Variants in FAT3 observed in about 807,000 individuals in gnomAD.
FAT3 encodes the protein FAT atypical cadherin 3, also known as protocadherin Fat 3.
Under a neutral mutation model 310.2 loss-of-function variants are expected in FAT3, and 95 were observed. The observed-to-expected ratio is 0.31, with a 90% CI of 0.26 to 0.36. The LOEUF (loss-of-function observed/expected upper bound fraction) is 0.36. Ranked by LOEUF, FAT3 falls within the 10% of genes least tolerant of loss-of-function variation. The probability of loss-of-function intolerance (pLI) is 1.00; values close to 1 mark genes in which losing one functional copy is unlikely to be tolerated. For missense variants in FAT3, 5,408 were observed against 5,715.6 expected (o/e 0.95, Z 1.74); for synonymous variants, 2,314 against 2,192.9 (o/e 1.06, Z -1.54).
intron 2 of FAT3, among the ~76,000 whole-genome samples, chr11:92,377,204 A>G (rs926183148): frequency 1.3e-5 from 2 of 152,256 alleles, no homozygotes; most frequent in Non-Finnish European, 2.9e-5. Flanking sequence ...AGAAGGACAT[A>G]TAATGGACGT....
intron 3 of FAT3, chr11:92,559,383 CTTTTTTTTTTT>C (rs386374501): frequency 2.8e-5 from 4 of 144,006 alleles, no homozygotes; most frequent in Admixed American, 1.8e-4. Flanking sequence ...ACTTATTTTC[CTTTTTTTTTTT>C]TTTTTTTTGA....
rs758194471 is a variant in FAT3 at position 92,761,988 on chromosome 11, C to T, written c.3802C>T (p.Arg1268Ter). 1 of 1,613,792 alleles carries T rather than the reference C, an allele frequency of 6.2e-7. No homozygotes were observed. The highest frequency in any genetic ancestry group is 8.5e-7 in the Non-Finnish European group (1 of 1,179,848). Reference protein sequence around the residue: ...VYQIKLPERDRKKRGEPIYRA... With the variant: ...VYQIKLPERD ...CCAGATCAAGCTGCCAGAACGTGAC[C>T]GAAAGAAGAGAGGAGAACCGATTTA... Residue 1268 changes from arginine (R) to a stop codon, truncating the protein, a stop_gained, in exon 5 of 28, where the codon CGA becomes TGA. Coordinates refer to ENST00000525166, the MANE Select transcript of FAT3 (RefSeq NM_001367949.2). LOFTEE classifies it high-confidence loss of function.
chr11:92,770,290 T>C (rs1946426665), intron 6 of FAT3, among the ~76,000 whole-genome samples: 1 of 152,182 alleles, frequency 6.6e-6, no homozygotes, highest in Admixed American at 6.5e-5. Flanking sequence ...ATTAATAGTT[T>C]TAAGAAAATG....
chr11:92,433,860 CA>C (rs375945917), intron 2 of FAT3, among the ~76,000 whole-genome samples: 126 of 151,052 alleles, frequency 8.3e-4, no homozygotes, highest in African/African-American at 2.8e-3. Context: ...AAAAAAAATA[CA>C]AAAAATTAGC....
At chr11:92,272,683 G>T (rs1364958096) in intron 1 of FAT3, among the ~76,000 whole-genome samples, 1 of 152,030 alleles carries the variant, frequency 6.6e-6, no homozygotes, top group African/African-American at 2.4e-5. Flanking sequence ...AACATGGGGT[G>T]TGGGGTGTGA....
chr11:92,892,965 G>A lies in FAT3; in HGVS notation c.*1852G>A, dbSNP rs1020430454. On this transcript the variant is annotated 3_prime_UTR_variant, in exon 28 of 28. Transcript: ENST00000525166. Reference sequence around the variant, plus strand: ...TTACGGCCGCCTGTGCAGTGGCCATGGTAAATATATGCATATTTGCACTAT... The same window carrying A: ...TTACGGCCGCCTGTGCAGTGGCCATAGTAAATATATGCATATTTGCACTAT... 6.6e-6 allele frequency: 1 copy of A among 152,118 alleles called. No homozygotes were observed. The highest frequency in any genetic ancestry group is 1.9e-4 in the East Asian group (1 of 5,192). The allele number at this position is 152,118 out of a possible 1,614,324, so 9.4% of individuals were successfully genotyped here. A position where few individuals can be genotyped will look rare whatever the true frequency, so the allele number is the denominator to read the frequency against.
intron 3 of FAT3, among the ~76,000 whole-genome samples, chr11:92,678,761 G>A (rs1943372745): frequency 6.6e-6 from 1 of 152,074 alleles, no homozygotes; most frequent in South Asian, 2.1e-4. Context: ...TTACATCTGG[G>A]TAATTATGTG....
chr11:92,701,635 C>T (rs1259393829), intron 4 of FAT3, among the ~76,000 whole-genome samples: 1 of 152,164 alleles, frequency 6.6e-6, no homozygotes, highest in African/African-American at 2.4e-5. Flanking sequence ...TGTTCAAAGT[C>T]GTATACCTTC....
chr11:92,857,535 T>A (rs1353232105), intron 20 of FAT3, among the ~76,000 whole-genome samples, 187 bp downstream of exon 20: 2 of 152,220 alleles, frequency 1.3e-5, no homozygotes, highest in Admixed American at 1.3e-4. Flanking sequence ...CTGCAGCTTG[T>A]GCTAAGGGAG....
chr11:92,324,589 T>C lies in FAT3; in HGVS notation c.-17-27507T>C, dbSNP rs563973517. Reference sequence around the variant, plus strand: ...ACAATTACAATAGTAACATCAGAGATCACTGATCACAGACCACCCTAACAG... The same window carrying C: ...ACAATTACAATAGTAACATCAGAGACCACTGATCACAGACCACCCTAACAG... On this transcript the variant is annotated intron_variant, in intron 1 of 27. Transcript: ENST00000525166. Among the ~76,000 whole-genome samples, 43 of 152,240 alleles carry C rather than the reference T, an allele frequency of 2.8e-4. No homozygotes were observed. The South Asian group carries it at 8.3e-3, about 29-fold the overall frequency.
intron 3 of FAT3, among the ~76,000 whole-genome samples, chr11:92,680,225 A>G (rs1943439087): frequency 6.6e-6 from 1 of 151,278 alleles, no homozygotes; most frequent in Non-Finnish European, 1.5e-5. Flanking sequence ...TTCTTCTAGT[A>G]TTTTTATAAT....
At chr11:92,258,358 G>T (rs760865763) in intron 1 of FAT3, among the ~76,000 whole-genome samples, 9 of 152,152 alleles carry the variant, frequency 5.9e-5, no homozygotes, top group Non-Finnish European at 1.0e-4. Context: ...ACAAAGGCAA[G>T]AGCTCCAAGG....
chr11:92,734,554 G>C (rs1039816591), intron 4 of FAT3, among the ~76,000 whole-genome samples: 32 of 152,060 alleles, frequency 2.1e-4, no homozygotes, highest in African/African-American at 6.5e-4. Context: ...ATGTCGGTTG[G>C]TTATCATAAT....
At chr11:92,470,121 G>T (rs1015615844) in intron 2 of FAT3, among the ~76,000 whole-genome samples, 1 of 152,174 alleles carries the variant, frequency 6.6e-6, no homozygotes, top group African/African-American at 2.4e-5. Flanking sequence ...TCATGAGAAA[G>T]AATTTGAGCC....
At chr11:92,355,725 C>G (rs1418761509) in intron 2 of FAT3, among the ~76,000 whole-genome samples, 1 of 152,164 alleles carries the variant, frequency 6.6e-6, no homozygotes, top group Non-Finnish European at 1.5e-5. Flanking sequence ...CTGACCCTCT[C>G]TAAATGAAGG....
intron 2 of FAT3, among the ~76,000 whole-genome samples, chr11:92,376,870 T>A (rs1341872259): frequency 1.3e-5 from 2 of 152,232 alleles, no homozygotes; most frequent in East Asian, 3.8e-4. Flanking sequence ...AGCAAGACGC[T>A]GCTGAATTTC....
intron 3 of FAT3, among the ~76,000 whole-genome samples, chr11:92,574,058 A>G (rs1938334774): frequency 1.3e-5 from 2 of 152,184 alleles, no homozygotes; most frequent in South Asian, 2.1e-4. Flanking sequence ...GCTGACATGC[A>G]TCGAAATATC....
intron 2 of FAT3, among the ~76,000 whole-genome samples, chr11:92,396,791 C>G (rs2134841706): frequency 6.6e-6 from 1 of 152,232 alleles, no homozygotes; most frequent in South Asian, 2.1e-4. Flanking sequence ...ACTGCAACCT[C>G]CACCCTCGGG....
rs1368989062 is a variant in FAT3 at position 92,840,710 on chromosome 11, C to G, written c.10517C>G (p.Ala3506Gly). 6.2e-7 allele frequency: 1 copy of G among 1,607,838 alleles called. No homozygotes were observed. Among genetic ancestry groups the G allele is most frequent in the Admixed American group, 1.7e-5 (1 of 59,948 alleles). ...VLDPHGILRS[A>G]VVFQHTESLE... ...GACCCTCATGGGATCTTGCGGTCGGCTGTGGTCTTCCAGCACACAGAGTCT... is the reference window on the plus strand; with the variant it reads ...GACCCTCATGGGATCTTGCGGTCGGGTGTGGTCTTCCAGCACACAGAGTCT... Residue 3506 changes from alanine (A) to glycine (G), a missense_variant, in exon 18 of 28, where the codon GCT becomes GGT. This residue lies in a region of FAT3 where 4,588 missense variants were observed against 4,809.8 expected (regional missense o/e 0.95). Coordinates refer to ENST00000525166, the MANE Select transcript of FAT3 (RefSeq NM_001367949.2).
Sources: gnomAD v4.1 joint callset for allele counts (sites outside exome capture counted in the v4.1 genomes callset) on GRCh38, gnomAD v4.1.1 for gene constraint, gnomAD v4.1.1 regional missense constraint, MANE v1.5 for transcripts, NCBI Gene and HGNC (gene_info 2026-07-23, HGNC 2026-07-21) for gene names.